The following ASTN2 variants were observed in gnomAD, a reference collection of about 807,000 sequenced individuals.
ASTN2 encodes the protein astrotactin-2.
Under a neutral mutation model 139.8 loss-of-function variants are expected in ASTN2, and 54 were observed. That is an observed-to-expected ratio of 0.39 (90% CI 0.31 to 0.48). The LOEUF is 0.48. Ranked by LOEUF, ASTN2 falls within the 20% of genes least tolerant of loss-of-function variation. The pLI, the probability that ASTN2 is intolerant of heterozygous loss-of-function variation, is 0.95. For missense variants in ASTN2, 1,565 were observed against 1,725.1 expected, an observed-to-expected ratio of 0.91 and a Z score of 1.64; for synonymous variants, 756 against 719.5, an observed-to-expected ratio of 1.05 and a Z score of -0.81.
At chr9:117,275,936 T>A (rs1834177872) in intron 2 of ASTN2, among the ~76,000 whole-genome samples, 1 of 152,130 alleles carries the variant, frequency 6.6e-6, no homozygotes, top group African/African-American at 2.4e-5. Context: ...TATCTCCTAA[T>A]ACAGTCACAT....
intron 1 of ASTN2, among the ~76,000 whole-genome samples, chr9:117,370,974 A>G (rs1369686246): frequency 6.6e-6 from 1 of 152,110 alleles, no homozygotes; most frequent in Non-Finnish European, 1.5e-5. Context: ...TAACCACAAC[A>G]ATCTGAAGGG....
At chr9:116,926,853 A>G (rs993212532) in intron 10 of ASTN2, among the ~76,000 whole-genome samples, 9 of 152,192 alleles carry the variant, frequency 5.9e-5, no homozygotes, top group Admixed American at 3.9e-4. Flanking sequence ...TCAGAAAATT[A>G]CCAAAAGGCA....
chr9:116,835,314 G>A (rs567867517), intron 11 of ASTN2, among the ~76,000 whole-genome samples: 1 of 151,616 alleles, frequency 6.6e-6, no homozygotes, highest in South Asian at 2.1e-4. Flanking sequence ...CATGAGACAA[G>A]GAAGAAAAGG....
At chr9:117,011,439 G>A (rs1004373724) in intron 6 of ASTN2, among the ~76,000 whole-genome samples, 26 of 152,152 alleles carry the variant, frequency 1.7e-4, no homozygotes, top group African/African-American at 6.3e-4. Context: ...TGTGAATAAG[G>A]AAATGGACCC....
intron 18 of ASTN2, among the ~76,000 whole-genome samples, chr9:116,619,091 G>C (rs765250529): frequency 6.6e-6 from 1 of 152,052 alleles, no homozygotes; most frequent in Non-Finnish European, 1.5e-5. Flanking sequence ...CTGAAGACAG[G>C]ACCATGATGG....
intron 5 of ASTN2, among the ~76,000 whole-genome samples, chr9:117,062,958 G>A (rs10121565): frequency 0.31 from 46,650 of 151,990 alleles, 7,527 homozygotes; most frequent in African/African-American, 0.4. Flanking sequence ...CACTTTTACT[G>A]TTGCCATACC....
intron 13 of ASTN2, among the ~76,000 whole-genome samples, chr9:116,802,193 TCTC>T (rs1830882087): frequency 6.6e-6 from 1 of 151,166 alleles, no homozygotes; most frequent in Non-Finnish European, 1.5e-5. Flanking sequence ...TTTACGCCCT[TCTC>T]CTGCCTCAGC....
At chr9:117,272,148 G>A (rs960649767) in intron 2 of ASTN2, among the ~76,000 whole-genome samples, 7 of 152,240 alleles carry the variant, frequency 4.6e-5, no homozygotes, top group African/African-American at 1.4e-4. Context: ...TCTAGGCAGA[G>A]GTTCCCAAAC....
chr9:116,736,200 C>A (rs934157781), intron 13 of ASTN2, among the ~76,000 whole-genome samples: 1 of 152,112 alleles, frequency 6.6e-6, no homozygotes, highest in Non-Finnish European at 1.5e-5. Context: ...TTTAAATTTT[C>A]CAGAATTCTA....
intron 4 of ASTN2, among the ~76,000 whole-genome samples, chr9:117,127,635 C>T (rs1158402022): frequency 1.4e-5 from 2 of 147,026 alleles, no homozygotes; most frequent in Non-Finnish European, 3.0e-5. Flanking sequence ...TACAGTCTCC[C>T]TGTGATTTCA....
chr9:116,674,958 T>A (rs562683548), intron 16 of ASTN2, among the ~76,000 whole-genome samples: 43 of 152,288 alleles, frequency 2.8e-4, no homozygotes, highest in African/African-American at 9.6e-4. Flanking sequence ...CTGCTTGAAT[T>A]ACTCTTTCTC....
intron 5 of ASTN2, among the ~76,000 whole-genome samples, chr9:117,050,705 T>C (rs1257709091): frequency 1.3e-5 from 2 of 152,140 alleles, no homozygotes; most frequent in African/African-American, 4.8e-5. Context: ...CCTGACCCTG[T>C]GAATGTATGG....
At chr9:117,210,779 C>A (rs1832094815) in intron 3 of ASTN2, among the ~76,000 whole-genome samples, 1 of 152,008 alleles carries the variant, frequency 6.6e-6, no homozygotes, top group Non-Finnish European at 1.5e-5. Flanking sequence ...GGTCAATATC[C>A]CTGATGAAAA....
intron 2 of ASTN2, among the ~76,000 whole-genome samples, chr9:117,268,236 T>C (rs1438480673): frequency 6.6e-6 from 1 of 152,286 alleles, no homozygotes; most frequent in East Asian, 1.9e-4. Context: ...TCCCCAGCCC[T>C]TGTCATGAAA....
At chr9:117,275,117 CCA>C (rs1277444287) in intron 2 of ASTN2, among the ~76,000 whole-genome samples, 3 of 152,212 alleles carry the variant, frequency 2.0e-5, no homozygotes, top group Non-Finnish European at 4.4e-5. Flanking sequence ...CCTCTATTCT[CCA>C]ATATCATCTT....
chr9:117,374,519 C>T (rs1427262147), intron 1 of ASTN2, among the ~76,000 whole-genome samples: 2 of 152,030 alleles, frequency 1.3e-5, no homozygotes, highest in African/African-American at 2.4e-5. Context: ...AAAATTAATT[C>T]AAATGGACTG....
intron 10 of ASTN2, among the ~76,000 whole-genome samples, chr9:116,917,546 A>G (rs1834484026): frequency 6.6e-6 from 1 of 152,196 alleles, no homozygotes; most frequent in African/African-American, 2.4e-5. Context: ...TTAAAGAGGA[A>G]TAGCTTTTTC....
chr9:116,678,477 T>G (rs1436570342), intron 16 of ASTN2, among the ~76,000 whole-genome samples: 1 of 152,002 alleles, frequency 6.6e-6, no homozygotes, highest in Non-Finnish European at 1.5e-5. Flanking sequence ...GTAGGGAACG[T>G]GTTTTTGGTA....
chr9:117,014,279 A>G (rs1320225685), intron 6 of ASTN2, among the ~76,000 whole-genome samples: 1 of 152,080 alleles, frequency 6.6e-6, no homozygotes, highest in African/African-American at 2.4e-5. Flanking sequence ...AATACATTCC[A>G]CCACCTACCA....
Sources: allele counts gnomAD v4.1 joint callset (sites outside exome capture counted in the v4.1 genomes callset), GRCh38; gene constraint gnomAD v4.1.1; transcripts MANE v1.5; gene names NCBI Gene and HGNC (gene_info 2026-07-23, HGNC 2026-07-21).